The following SANBR variants were observed in gnomAD, a reference collection of about 807,000 sequenced individuals.
SANBR encodes the protein SANT and BTB domain regulator of CSR, also known as SANT and BTB domain regulator of class switch recombination.
Under a neutral mutation model 101.8 loss-of-function variants are expected in SANBR, and 77 were observed. That is an observed-to-expected ratio of 0.76 (90% CI 0.63 to 0.91). The LOEUF (loss-of-function observed/expected upper bound fraction) is 0.91. Ranked by LOEUF, SANBR falls within the 40% of genes least tolerant of loss-of-function variation. The probability of loss-of-function intolerance (pLI) is 0.00; values close to 1 mark genes in which losing one functional copy is unlikely to be tolerated. For synonymous variants in SANBR, 279 were observed against 274.7 expected (o/e 1.02, Z -0.15); for missense variants, 875 against 853.0 (o/e 1.03, Z -0.32).
chr2:61,107,407 A>C (rs755156544), intron 14 of SANBR, among the ~76,000 whole-genome samples: 2 of 151,982 alleles, frequency 1.3e-5, no homozygotes, highest in South Asian at 2.1e-4. Context: ...CAAACACACA[A>C]AAGTTTCAAA....
chr2:61,133,534 C>CT (rs1270777167), intron 20 of SANBR, among the ~76,000 whole-genome samples: 1 of 151,920 alleles, frequency 6.6e-6, no homozygotes, highest in Non-Finnish European at 1.5e-5. Context: ...AGGAGGATTG[C>CT]TTGAGCCCAG....
chr2:61,108,443 AT>A, intron 15 of SANBR, 94 bp downstream of exon 15: 1 of 791,588 alleles, frequency 1.3e-6, no homozygotes, highest in Non-Finnish European at 2.0e-6. Context: ...TATTTTACAA[AT>A]TTTAGTTAAA....
chr2:61,077,605 G>GA (rs1247268718), intron 6 of SANBR, among the ~76,000 whole-genome samples: 1 of 151,262 alleles, frequency 6.6e-6, no homozygotes, highest in East Asian at 1.9e-4. Context: ...AAAAAGAAAA[G>GA]AAAAAAATCT....
downstream of SANBR, among the ~76,000 whole-genome samples, chr2:61,128,258 CGA>C (rs1421161190): frequency 6.9e-6 from 1 of 145,976 alleles, no homozygotes; most frequent in Admixed American, 6.9e-5. Context: ...GGTGACACAG[CGA>C]GACTCTGTCT....
At chr2:61,076,786 A>C in intron 5 of SANBR, 134 bp from the exon 6 acceptor site, 3 of 645,082 alleles carry the variant, frequency 4.7e-6, no homozygotes. Context: ...GAAAAATGTC[A>C]AGACCCTATA....
In SANBR at chr2:61,121,276, G is replaced by C; in HGVS notation, c.2120G>C (p.Arg707Thr). 1.3e-6 allele frequency: 2 copies of C among 1,549,420 alleles called. No homozygotes were observed. Among genetic ancestry groups the C allele is most frequent in the Non-Finnish European group, 1.7e-6 (2 of 1,145,388 alleles). The change falls in exon 21 of 22, where the codon AGG becomes ACG. Residue 707 changes from arginine to threonine, a missense_variant and splice_region_variant. Transcript: ENST00000402291. Reference sequence around the variant, plus strand: ...CAAAGCAGCTCAGAGAAAAACACAAGGTAAATCAGCATAAACTAAACCAGA... The same window carrying C: ...CAAAGCAGCTCAGAGAAAAACACAACGTAAATCAGCATAAACTAAACCAGA... ...ARQSSSEKNT[R>T]SKSRFGQGRP...
rs1173916350 is a variant in SANBR at position 61,117,550 on chromosome 2, A to G, written c.1939+10A>G. On this transcript the variant is annotated intron_variant, in intron 19 of 21. Transcript: ENST00000402291. The stretch of plus-strand genomic sequence containing the variant: ...GCACAAAGAGAAGACGGTAAATTTT[A>G]TTATTTGGGTAATGTACAAATTGGA... 2 of 1,603,480 alleles carry G rather than the reference A, an allele frequency of 1.2e-6. No homozygotes were observed. Among genetic ancestry groups the G allele is most frequent in the East Asian group, 2.2e-5 (1 of 44,778 alleles).
In SANBR at chr2:61,073,553, T is replaced by G; in HGVS notation, c.431+2T>G. The stretch of plus-strand genomic sequence containing the variant: ...AGAAATGACTGAAGAATCTGAAGGG[T>G]AGGCGGCTGGTTGTTTGCTAGATAA... On this transcript the variant is annotated splice_donor_variant, in intron 5 of 21. Transcript: ENST00000402291. LOFTEE classifies it high-confidence loss of function. The G allele has an allele frequency of 6.4e-7, 1 of 1,551,116 alleles. No homozygotes were observed. The highest frequency in any genetic ancestry group is 8.8e-7 in the Non-Finnish European group (1 of 1,137,460).
rs190897839 is a variant in SANBR, at chr2:61,097,092, A to T, written c.1213-608A>T. On this transcript the variant is annotated intron_variant, in intron 11 of 21. Transcript: ENST00000402291. ...TTGCTTGAATCTGGGAGGCGGAGGTAGCAGTGAGGCTAGATGGCACCACTT... is the reference window on the plus strand; with the variant it reads ...TTGCTTGAATCTGGGAGGCGGAGGTTGCAGTGAGGCTAGATGGCACCACTT... Among the ~76,000 whole-genome samples, 61 of 152,250 alleles carry T rather than the reference A, an allele frequency of 4.0e-4. 1 individual carries two copies. The highest frequency in any genetic ancestry group is 1.0e-3 in the Admixed American group (16 of 15,280).
chr2:61,113,202 A>G (rs541930490), intron 16 of SANBR, among the ~76,000 whole-genome samples: 6 of 152,348 alleles, frequency 3.9e-5, no homozygotes, highest in African/African-American at 1.4e-4. Flanking sequence ...TTACATCAGC[A>G]TATCAATACC....
intron 11 of SANBR, among the ~76,000 whole-genome samples, chr2:61,094,793 G>A (rs932403669): frequency 3.3e-5 from 5 of 151,954 alleles, no homozygotes; most frequent in African/African-American, 9.7e-5. Context: ...ACTGGCATGC[G>A]CCACATCACC....
chr2:61,104,227 A>G (rs180903716), intron 13 of SANBR, among the ~76,000 whole-genome samples: 1 of 152,296 alleles, frequency 6.6e-6, no homozygotes, highest in African/African-American at 2.4e-5. Flanking sequence ...TCACACCTGT[A>G]ATCCCAGCAC....
chr2:61,067,519 C>G (rs1200521971), intron 1 of SANBR, among the ~76,000 whole-genome samples: 1 of 152,126 alleles, frequency 6.6e-6, no homozygotes, highest in African/African-American at 2.4e-5. Context: ...GGGCGGATCA[C>G]GAGGTCAGGA....
chr2:61,099,516 C>T (rs1037435933), intron 12 of SANBR, among the ~76,000 whole-genome samples: 16 of 152,116 alleles, frequency 1.1e-4, no homozygotes, highest in African/African-American at 3.6e-4. Flanking sequence ...AATCAGGTTT[C>T]GAGGGAGACT....
rs548335655 is a variant in SANBR, at chr2:61,113,463, G to C, written c.1745-2516G>C. Among the ~76,000 whole-genome samples the C allele has an allele frequency of 9.3e-4, 141 of 152,170 alleles. No individual in the cohort carries two copies. The Middle Eastern group carries it at 0.01, about 11-fold the overall frequency. On this transcript the variant is annotated intron_variant, in intron 16 of 21. Transcript: ENST00000402291. Reference sequence around the variant, plus strand: ...GCAGTTCTTCCCATCCATGAACATGGAATATCTCTCCATTTATATAGGACT... The same window carrying C: ...GCAGTTCTTCCCATCCATGAACATGCAATATCTCTCCATTTATATAGGACT...
chr2:61,125,084 CTCTT>C (rs1246882759), downstream of SANBR, among the ~76,000 whole-genome samples: 1 of 152,204 alleles, frequency 6.6e-6, no homozygotes, highest in African/African-American at 2.4e-5. Context: ...TAGGCTAACT[CTCTT>C]TCTCCTATTT....
intron 16 of SANBR, among the ~76,000 whole-genome samples, chr2:61,111,088 A>G (rs1204780242): frequency 6.6e-6 from 1 of 152,084 alleles, no homozygotes; most frequent in East Asian, 1.9e-4. Context: ...ACAACCCTCC[A>G]ATGACATTGA....
chr2:61,097,479 AT>A (rs1213600907), intron 11 of SANBR, among the ~76,000 whole-genome samples: 2 of 152,058 alleles, frequency 1.3e-5, no homozygotes, highest in Non-Finnish European at 2.9e-5. Context: ...ATTTTAGCAC[AT>A]TTCCATCACC....
chr2:61,090,763 T>A (rs1376180088), intron 10 of SANBR: 3 of 139,460 alleles, frequency 2.2e-5, no homozygotes, highest in Non-Finnish European at 4.7e-5. Flanking sequence ...GGCACAGGGT[T>A]TCACTGTGTT....
Sources: gnomAD v4.1 joint callset for allele counts (sites outside exome capture counted in the v4.1 genomes callset) on GRCh38, gnomAD v4.1.1 for gene constraint, MANE v1.5 for transcripts, NCBI Gene and HGNC (gene_info 2026-07-23, HGNC 2026-07-21) for gene names.